Variants in FBXW4 observed in about 807,000 individuals in gnomAD.
The protein encoded by FBXW4 is F-box/WD repeat-containing protein 4.
A neutral mutation model predicts 61.8 loss-of-function variants in FBXW4; 40 were observed. That is an observed-to-expected ratio of 0.65 (90% CI 0.50 to 0.84). FBXW4 has a LOEUF of 0.84. Ranked by LOEUF, FBXW4 falls within the 40% of genes least tolerant of loss-of-function variation. FBXW4 has a pLI of 0.00. For missense variants in FBXW4, 672 were observed against 753.8 expected (o/e 0.89, Z 1.27); for synonymous variants, 311 against 313.8 (o/e 0.99, Z 0.10).
upstream of FBXW4, chr10:101,695,200 T>C: frequency 1.0e-6 from 1 of 985,148 alleles, no homozygotes; most frequent in Non-Finnish European, 1.2e-6. This position sits in a 1 kb window ranked among gnomAD's most constrained non-coding sequence, Gnocchi z 4.2. Flanking sequence ...CCGGGTCACA[T>C]GGGGCGGCGC....
intron 5 of FBXW4, among the ~76,000 whole-genome samples, chr10:101,637,972 T>C (rs2064019141): frequency 6.6e-6 from 1 of 152,050 alleles, no homozygotes; most frequent in African/African-American, 2.4e-5. Flanking sequence ...CCAGTACTGA[T>C]AAGAGGAAAT....
chr10:101,676,977 C>T (rs958155123), intron 1 of FBXW4, among the ~76,000 whole-genome samples: 1 of 152,134 alleles, frequency 6.6e-6, no homozygotes, highest in Admixed American at 6.5e-5. Flanking sequence ...CACAAGCCGT[C>T]GTCTGGGAGA....
At chr10:101,635,563 G>A (rs1188742993) in intron 5 of FBXW4, among the ~76,000 whole-genome samples, 3 of 152,130 alleles carry the variant, frequency 2.0e-5, no homozygotes, top group African/African-American at 7.2e-5. Flanking sequence ...GGCCAGAAGT[G>A]GTGGCTCATG....
Position 101,694,453 on chromosome 10 carries a change from C to T in FBXW4, c.653G>A (p.Ser218Asn), listed in dbSNP as rs2064650773. 6.5e-7 allele frequency: 1 copy of T among 1,536,696 alleles called. No individual in the cohort carries two copies. The highest frequency in any genetic ancestry group is 8.7e-7 in the Non-Finnish European group (1 of 1,153,434). The change falls in exon 1 of 9, where the codon AGC (serine) becomes AAC (asparagine). Residue 218 changes from serine to asparagine, a missense_variant. Ser to Asn is a conservative substitution (Grantham distance 46). Coordinates refer to ENST00000331272, the MANE Select transcript of FBXW4 (RefSeq NM_022039.4). This position sits in a 1 kb window ranked among gnomAD's most constrained non-coding sequence, Gnocchi z 6.0. ...TATCCGGCGCCAGAGCAGATCGCAG[C>T]TGGTGAAGCGCCGCAGCCAGCGGCA... ...QVCRWLRRFTSCDLLWRRIAR... is the reference protein window; with the variant it reads ...QVCRWLRRFTNCDLLWRRIAR...
At chr10:101,667,808 T>A (rs1478164215) in intron 5 of FBXW4, 78 bp downstream of exon 5, 2 of 1,294,588 alleles carry the variant, frequency 1.5e-6, no homozygotes, top group East Asian at 4.7e-5. Flanking sequence ...AACAGGAAGA[T>A]TTTCTAGCTC....
chr10:101,673,117 A>G (rs924736472), intron 3 of FBXW4, 70 bp from the exon 4 acceptor site: 1 of 1,562,242 alleles, frequency 6.4e-7, no homozygotes, highest in African/African-American at 1.4e-5. Flanking sequence ...ACAACTCTCC[A>G]GAAACAGCCC....
At chr10:101,666,106 G>C (rs1193309206) in intron 5 of FBXW4, among the ~76,000 whole-genome samples, 1 of 152,194 alleles carries the variant, frequency 6.6e-6, no homozygotes, top group Non-Finnish European at 1.5e-5. Flanking sequence ...GCATTAGGAA[G>C]AAACTGAGGA....
At position 101,666,821 on chromosome 10, in the gene FBXW4, C is replaced by T. The variant is rs57915175; in HGVS notation, c.1235+1065G>A. ...GCAGTGGCTCATGCACTTTGGGAGG[C>T]CAAGATGGGAGGATCACTTGAGGCC... On this transcript the variant is annotated intron_variant, in intron 5 of 8. Coordinates refer to ENST00000331272, the MANE Select transcript of FBXW4 (RefSeq NM_022039.4). Among the ~76,000 whole-genome samples the T allele has an allele frequency of 9.3e-3, 1,420 of 152,052 alleles. 31 individuals are homozygous for T. The East Asian group carries it at 0.11, about 11-fold the overall frequency.
chr10:101,694,594 C>A lies in FBXW4; in HGVS notation c.512G>T (p.Arg171Leu). ...GEEEEEEEAA[R>L]ESAARPAAGP... Reference sequence around the variant, plus strand: ...CGCGGCCGGGCGGGCAGCCGACTCCCGAGCCGCCTCCTCCTCCTCCTCCTC... The same window carrying A: ...CGCGGCCGGGCGGGCAGCCGACTCCAGAGCCGCCTCCTCCTCCTCCTCCTC... Residue 171 changes from arginine (R) to leucine (L), a missense_variant, in exon 1 of 9, where the codon CGG (arginine) becomes CTG (leucine). Physicochemically the swap from Arg to Leu is moderately radical, Grantham distance 102. Around this residue, in one of 5 missense-constraint regions of FBXW4, gnomAD observed 311 missense variants for 301.1 expected, o/e 1.03. Coordinates refer to ENST00000331272, the MANE Select transcript of FBXW4 (RefSeq NM_022039.4). This position sits in a 1 kb window ranked among gnomAD's most constrained non-coding sequence, Gnocchi z 6.0. The A allele has an allele frequency of 6.9e-7, 1 of 1,452,798 alleles. No individual in the cohort carries two copies. Among genetic ancestry groups the A allele is most frequent in the Non-Finnish European group, 9.0e-7 (1 of 1,112,772 alleles). The allele number at this position is 1,452,798 out of a possible 1,614,324, so 90.0% of individuals were successfully genotyped here. A position where few individuals can be genotyped will look rare whatever the true frequency, so the allele number is the denominator to read the frequency against.
chr10:101,616,498 G>A (rs2063827283), intron 6 of FBXW4, among the ~76,000 whole-genome samples: 1 of 152,228 alleles, frequency 6.6e-6, no homozygotes, highest in African/African-American at 2.4e-5. Context: ...AGGTACCACA[G>A]AGAACAACGG....
chr10:101,690,465 A>T (rs116449345), intron 1 of FBXW4, among the ~76,000 whole-genome samples: 1 of 149,538 alleles, frequency 6.7e-6, no homozygotes, highest in South Asian at 2.1e-4. Context: ...GTGTCCCTTT[A>T]AAAAAAAAAG....
intron 1 of FBXW4, among the ~76,000 whole-genome samples, chr10:101,686,140 T>C (rs957316908): frequency 6.6e-6 from 1 of 152,166 alleles, no homozygotes. Context: ...CACATCCTTT[T>C]CCTCCTGGCA....
At chr10:101,665,466 C>T (rs2064289095) in intron 5 of FBXW4, among the ~76,000 whole-genome samples, 1 of 152,066 alleles carries the variant, frequency 6.6e-6, no homozygotes, top group Non-Finnish European at 1.5e-5. Flanking sequence ...AAGAAGAGGA[C>T]AGGAAGACCC....
At chr10:101,647,026 C>A (rs918999827) in intron 5 of FBXW4, among the ~76,000 whole-genome samples, 2 of 152,148 alleles carry the variant, frequency 1.3e-5, no homozygotes, top group Admixed American at 6.5e-5. Flanking sequence ...TCAGCGATAC[C>A]ACAAAACTCT....
In FBXW4 at chr10:101,676,413, T is replaced by A; in HGVS notation, c.749A>T (p.Glu250Val). The change falls in exon 2 of 9, where the codon GAA (glutamate) becomes GTA (valine). Residue 250 changes from glutamate (E) to valine (V), a missense_variant. This residue lies in a region of FBXW4 where 311 missense variants were observed against 301.1 expected (regional missense o/e 1.03). Coordinates refer to ENST00000331272, the MANE Select transcript of FBXW4 (RefSeq NM_022039.4). The stretch of plus-strand genomic sequence containing the variant: ...CCAGTTCTGAGACACCTTCACTCGT[T>A]CCTTCACTGGGACACTGGTCATCCT... ...TDLMTSVPVK[E>V]RVKVSQNWRL... The A allele has an allele frequency of 6.2e-7, 1 of 1,613,568 alleles. No homozygotes were observed. Among genetic ancestry groups the A allele is most frequent in the Non-Finnish European group, 8.5e-7 (1 of 1,179,820 alleles).
chr10:101,667,908 T>G lies in FBXW4; in HGVS notation c.1213A>C (p.Ile405Leu). The change falls in exon 5 of 9, where the codon ATT (isoleucine) becomes CTT (leucine). Residue 405 changes from isoleucine to leucine, a missense_variant. Ile to Leu is a conservative substitution (Grantham distance 5). This residue lies in a region of FBXW4 where 312 missense variants were observed against 370.1 expected (regional missense o/e 0.84). Coordinates refer to ENST00000331272, the MANE Select transcript of FBXW4 (RefSeq NM_022039.4). ...TIQTEDRVWS[I>L]AISPLLSSFV... Reference sequence around the variant, plus strand: ...TACCTGAGTAATGGGCTGATAGCAATGGACCAGACTCGGTCTTCAGTCTGG... The same window carrying G: ...TACCTGAGTAATGGGCTGATAGCAAGGGACCAGACTCGGTCTTCAGTCTGG... 6.2e-7 allele frequency: 1 copy of G among 1,614,128 alleles called. No individual in the cohort carries two copies. Among genetic ancestry groups the G allele is most frequent in the African/African-American group, 1.3e-5 (1 of 75,046 alleles).
chr10:101,659,270 G>T, intron 5 of FBXW4: 2 of 517,774 alleles, frequency 3.9e-6, no homozygotes, highest in Non-Finnish European at 5.0e-6. Flanking sequence ...CTGTTCACAA[G>T]GTTACCTGGC....
chr10:101,695,183 T>C, upstream of FBXW4: 2 of 985,318 alleles, frequency 2.0e-6, no homozygotes, highest in Non-Finnish European at 2.4e-6. This position sits in a 1 kb window ranked among gnomAD's most constrained non-coding sequence, Gnocchi z 4.2. Context: ...GGCGACACCA[T>C]GTCGGACCGG....
intron 7 of FBXW4, 90 bp downstream of exon 7, chr10:101,612,247 C>A: frequency 7.5e-7 from 1 of 1,340,102 alleles, no homozygotes. Flanking sequence ...AGTCTCTGTG[C>A]CCTCTCCCAT....
Sources: gnomAD v4.1 joint callset for allele counts (sites outside exome capture counted in the v4.1 genomes callset) on GRCh38, gnomAD v4.1.1 for gene constraint, gnomAD v4.1.1 regional missense constraint, Gnocchi (gnomAD v3.1) non-coding constraint, MANE v1.5 for transcripts, NCBI Gene and HGNC (gene_info 2026-07-23, HGNC 2026-07-21) for gene names.